Variants in ZMYM6 observed in about 807,000 individuals in gnomAD.
ZMYM6 encodes the protein zinc finger MYM-type containing 6.
A neutral mutation model predicts 134.0 loss-of-function variants in ZMYM6; 90 were observed. The ratio of observed to expected loss-of-function variants is 0.67; its 90% confidence interval spans 0.57 to 0.80. The LOEUF (loss-of-function observed/expected upper bound fraction) is 0.80. Ranked by LOEUF, ZMYM6 falls within the 30% of genes least tolerant of loss-of-function variation. The pLI is 0.00. For missense variants in ZMYM6, 1,362 were observed against 1,533.9 expected (o/e 0.89, Z 1.87); for synonymous variants, 481 against 524.1 (o/e 0.92, Z 1.12).
intron 2 of ZMYM6, among the ~76,000 whole-genome samples, chr1:35,028,560 C>G (rs550448061): frequency 6.6e-6 from 1 of 151,188 alleles, no homozygotes; most frequent in African/African-American, 2.4e-5. Flanking sequence ...AGTGCAGTGG[C>G]GCAATCTTGG....
chr1:35,003,984 G>C lies in ZMYM6; in HGVS notation c.1976C>G (p.Ala659Gly), dbSNP rs201539112. The change falls in exon 14 of 16, where the codon GCA becomes GGA. Residue 659 changes from alanine to glycine, a missense_variant. Ala to Gly is a moderately conservative substitution (Grantham distance 60, BLOSUM62 0). Around this residue, in one of 3 missense-constraint regions of ZMYM6, gnomAD observed 824 missense variants for 940.9 expected, o/e 0.88. Transcript: ENST00000357182. ...VLKGAVTKEA[A>G]KIIQDESTQE... ...TAAACTCACATCTTGAATGATCTTT[G>C]CTGCCTCTTTAGTAACTGCACCTGT... The C allele has an allele frequency of 6.2e-7, 1 of 1,612,022 alleles. No homozygotes were observed. The highest frequency in any genetic ancestry group is 1.3e-5 in the African/African-American group (1 of 74,936).
chr1:35,001,258 A>G (rs933672401), intron 14 of ZMYM6, among the ~76,000 whole-genome samples: 1 of 148,452 alleles, frequency 6.7e-6, no homozygotes, highest in Admixed American at 6.6e-5. Context: ...AAAGATTCTA[A>G]AACTGTCAGG....
intron 4 of ZMYM6, among the ~76,000 whole-genome samples, chr1:35,015,376 A>T (rs565016218): frequency 1.3e-5 from 2 of 152,278 alleles, no homozygotes; most frequent in Admixed American, 1.3e-4. Flanking sequence ...CATGTATAAA[A>T]TGGGGCTTAT....
In ZMYM6 at chr1:34,995,134, TAC is replaced by T. The variant is rs1222168522; in HGVS notation, c.1993-2749_1993-2748del. Among the ~76,000 whole-genome samples, 11 of 146,846 alleles carry T rather than the reference TAC, an allele frequency of 7.5e-5. 1 individual carries two copies. Among genetic ancestry groups the T allele is most frequent in the African/African-American group, 1.2e-4 (5 of 40,216 alleles). On this transcript the variant is annotated intron_variant, in intron 14 of 15. Coordinates refer to ENST00000357182, the MANE Select transcript of ZMYM6 (RefSeq NM_007167.4). Reference sequence around the variant, plus strand: ...GTATATATGTATACATATACATATATACACACACACACATACACACACACATA... The same window carrying T: ...GTATATATGTATACATATACATATATACACACACACATACACACACACATA...
chr1:35,001,010 C>T (rs568775765), intron 14 of ZMYM6, among the ~76,000 whole-genome samples: 22 of 152,292 alleles, frequency 1.4e-4, no homozygotes, highest in African/African-American at 5.3e-4. Flanking sequence ...CTCACTCTTT[C>T]ATGTATTATT....
intron 14 of ZMYM6, among the ~76,000 whole-genome samples, chr1:34,999,533 G>A (rs1254889774): frequency 6.6e-6 from 1 of 151,914 alleles, no homozygotes; most frequent in East Asian, 1.9e-4. Context: ...GTTGAAAAGG[G>A]GGAAAATCCA....
Position 34,989,377 on chromosome 1 carries a change from T to TAA in ZMYM6, c.2147-444_2147-443dup, listed in dbSNP as rs572006218. Reference sequence around the variant, plus strand: ...ACATGGCGAAACTCCATCTCTACATTAAAAAAAAAAAAAGAAGAAGAAAAA... The same window carrying TAA: ...ACATGGCGAAACTCCATCTCTACATTAAAAAAAAAAAAAAAGAAGAAGAAAAA... On this transcript the variant is annotated intron_variant, in intron 15 of 15. Transcript: ENST00000357182. The TAA allele has an allele frequency of 4.5e-4, 112 of 249,774 alleles. 1 individual carries two copies. Among genetic ancestry groups the TAA allele is most frequent in the East Asian group, 3.9e-3 (19 of 4,854 alleles). The allele number at this position is 249,774 out of a possible 1,614,324, so 15.5% of individuals were successfully genotyped here.
chr1:35,005,096 T>C (rs1242738264), intron 13 of ZMYM6, 36 bp downstream of exon 13: 1 of 1,612,050 alleles, frequency 6.2e-7, no homozygotes, highest in Non-Finnish European at 8.5e-7. Context: ...CACTCACTTC[T>C]ATGGCTTAGC....
At position 35,030,679 on chromosome 1, in the gene ZMYM6, A is replaced by C; in HGVS notation, c.-40T>G. On this transcript the variant is annotated 5_prime_UTR_variant, in exon 2 of 16. The change creates a new upstream start codon in the 5' untranslated region. Transcript: ENST00000357182. ...TCAAAGAGTGTCTCAGGCTCAAACG[A>C]ATAGATTTCTTCTTGGTAATGGATA... is the stretch of plus-strand genomic sequence containing the variant. The C allele has an allele frequency of 2.5e-6, 4 of 1,575,528 alleles. No individual in the cohort carries two copies. Among genetic ancestry groups the C allele is most frequent in the Non-Finnish European group, 3.5e-6 (4 of 1,154,346 alleles).
Position 34,988,872 on chromosome 1 carries a change from C to A in ZMYM6, c.2210G>T (p.Arg737Ile), listed in dbSNP as rs61741445. The change falls in exon 16 of 16, where the codon AGA becomes ATA. Residue 737 changes from arginine (R) to isoleucine (I), a missense_variant. This residue lies in a region of ZMYM6 where 824 missense variants were observed against 940.9 expected (regional missense o/e 0.88). Transcript: ENST00000357182. ...ATCATAAGTCTGGAAAAAACCTAAT[C>A]TTTTTTTCTTTGAAGGTGGAGAATC... Reference protein sequence around the residue: ...ELDSPPSKKKRLGFFQTYDTE... With the variant: ...ELDSPPSKKKILGFFQTYDTE... The A allele has an allele frequency of 1.9e-6, 3 of 1,610,252 alleles. No homozygotes were observed. The highest frequency in any genetic ancestry group is 2.7e-5 in the African/African-American group (2 of 74,800).
chr1:35,030,686 T>G lies in ZMYM6; in HGVS notation c.-47A>C, dbSNP rs1023891651. On this transcript the variant is annotated 5_prime_UTR_variant, in exon 2 of 16. Transcript: ENST00000357182. ...GTGTCTCAGGCTCAAACGAATAGATTTCTTCTTGGTAATGGATAGTTGGAC... is the reference window on the plus strand; with the variant it reads ...GTGTCTCAGGCTCAAACGAATAGATGTCTTCTTGGTAATGGATAGTTGGAC... 3.8e-6 allele frequency: 6 copies of G among 1,558,542 alleles called. No homozygotes were observed. The highest frequency in any genetic ancestry group is 5.3e-6 in the Non-Finnish European group (6 of 1,140,614).
At chr1:35,019,226 AT>A in intron 4 of ZMYM6, 126 bp downstream of exon 4, 1 of 1,375,928 alleles carries the variant, frequency 7.3e-7, no homozygotes, top group Non-Finnish European at 9.9e-7. Context: ...GAATTCTTCC[AT>A]TAACTAAAAA....
chr1:35,013,293 A>G (rs12091608), intron 6 of ZMYM6: 69 of 879,510 alleles, frequency 7.8e-5, no homozygotes, highest in Non-Finnish European at 8.9e-5. Flanking sequence ...GTAGGAAATT[A>G]AACTCATTTC....
chr1:35,011,332 CA>C (rs751063363), intron 8 of ZMYM6, among the ~76,000 whole-genome samples: 8 of 152,282 alleles, frequency 5.3e-5, no homozygotes, highest in Middle Eastern at 3.4e-3. Flanking sequence ...GCACTCCCAT[CA>C]TCAACCAGCT....
intron 2 of ZMYM6, among the ~76,000 whole-genome samples, chr1:35,023,033 A>C (rs1437307792): frequency 6.6e-6 from 1 of 152,234 alleles, no homozygotes; most frequent in Non-Finnish European, 1.5e-5. Flanking sequence ...CAAATGACTT[A>C]ATATAAATAA....
chr1:35,014,870 AT>A lies in ZMYM6; in HGVS notation c.621del (p.Lys207AsnfsTer26). On this transcript the variant is annotated frameshift_variant, in exon 6 of 16. Transcript: ENST00000357182. LOFTEE classifies it high-confidence loss of function. ...CAAAGACCATGTACCACATTTTGAT[AT>A]TTAACTTCAAATCGAGTCTAGGAAA... ...QKNADTRFEVKYQNVVHGLCS... is the reference protein window; with the variant it reads ...QKNADTRFEVXYQNVVHGLCS... 6.2e-7 allele frequency: 1 copy of A among 1,614,124 alleles called. No homozygotes were observed. Among genetic ancestry groups the A allele is most frequent in the Non-Finnish European group, 8.5e-7 (1 of 1,179,998 alleles).
intron 14 of ZMYM6, among the ~76,000 whole-genome samples, chr1:34,993,434 A>G (rs1640721854): frequency 6.6e-6 from 1 of 152,174 alleles, no homozygotes; most frequent in East Asian, 1.9e-4. Flanking sequence ...ATTCTTAAAT[A>G]AAACACAAAA....
chr1:35,022,571 C>T (rs1459087998), intron 2 of ZMYM6, among the ~76,000 whole-genome samples: 1 of 152,002 alleles, frequency 6.6e-6, no homozygotes, highest in Non-Finnish European at 1.5e-5. Flanking sequence ...GCCAGTCTCT[C>T]TGTTCTAAAA....
At position 35,019,227 on chromosome 1, in the gene ZMYM6, T is replaced by C. The variant is rs1641259925; in HGVS notation, c.428+126A>G. On this transcript the variant is annotated intron_variant, in intron 4 of 15. Transcript: ENST00000357182. ...ACTTTAAAATTGGTGAATTCTTCCA[T>C]TAACTAAAAAGTTATTTCTACAGAT... The C allele has an allele frequency of 5.1e-6, 7 of 1,379,274 alleles. No individual in the cohort carries two copies. The South Asian group carries it at 8.6e-5, about 17-fold the overall frequency. The allele number at this position is 1,379,274 out of a possible 1,614,324, so 85.4% of individuals were successfully genotyped here. A position where few individuals can be genotyped will look rare whatever the true frequency, so the allele number is the denominator to read the frequency against.
Sources: allele counts gnomAD v4.1 joint callset (sites outside exome capture counted in the v4.1 genomes callset), GRCh38; gene constraint gnomAD v4.1.1; regional missense constraint gnomAD v4.1.1; transcripts MANE v1.5; gene names NCBI Gene and HGNC (gene_info 2026-07-23, HGNC 2026-07-21).